The following SPIDR variants were observed in gnomAD, a reference collection of about 807,000 sequenced individuals.
SPIDR encodes scaffold protein involved in DNA repair.
Under a neutral mutation model 104.6 loss-of-function variants are expected in SPIDR, and 93 were observed. The ratio of observed to expected loss-of-function variants is 0.89; its 90% confidence interval spans 0.75 to 1.06. The LOEUF (loss-of-function observed/expected upper bound fraction) is 1.06, where lower values mean the gene tolerates loss of function less well. Among genes scored for constraint, SPIDR ranks in the 50% least tolerant of loss-of-function variants. SPIDR has a pLI of 0.00. For missense variants in SPIDR, 1,154 were observed against 1,111.2 expected (o/e 1.04, Z -0.55); for synonymous variants, 431 against 416.9 (o/e 1.03, Z -0.41).
chr8:47,414,982 C>A (rs555980940), intron 7 of SPIDR, among the ~76,000 whole-genome samples: 8 of 152,272 alleles, frequency 5.3e-5, no homozygotes, highest in Admixed American at 5.2e-4. Context: ...CAGCTCACTG[C>A]AAGCTCCGCC....
chr8:47,357,637 T>C (rs1307805221), intron 5 of SPIDR, among the ~76,000 whole-genome samples: 1 of 152,204 alleles, frequency 6.6e-6, no homozygotes, highest in Non-Finnish European at 1.5e-5. Context: ...CCATATAATT[T>C]TTGGTTCTTT....
intron 8 of SPIDR, among the ~76,000 whole-genome samples, chr8:47,493,645 A>G (rs1016683065): frequency 4.6e-5 from 7 of 152,292 alleles, no homozygotes; most frequent in Admixed American, 2.0e-4. Flanking sequence ...AGCAGCCTGG[A>G]GTGGTAGCAG....
chr8:47,335,007 G>A (rs1443589092), intron 5 of SPIDR, among the ~76,000 whole-genome samples: 2 of 151,990 alleles, frequency 1.3e-5, no homozygotes, highest in African/African-American at 4.8e-5. Flanking sequence ...CAGATAATGT[G>A]GAGTATAATA....
chr8:47,263,079 C>T (rs1233544646), intron 1 of SPIDR, among the ~76,000 whole-genome samples: 2 of 152,184 alleles, frequency 1.3e-5, no homozygotes, highest in African/African-American at 4.8e-5. Context: ...CCATTAGTCT[C>T]ATTTTATGGA....
chr8:47,348,589 C>T (rs782209889), intron 5 of SPIDR, among the ~76,000 whole-genome samples: 26 of 152,206 alleles, frequency 1.7e-4, no homozygotes, highest in Admixed American at 7.9e-4. Flanking sequence ...CTTTCAGGTA[C>T]ACCAATCAAA....
At chr8:47,485,961 A>T (rs2077546996) in intron 8 of SPIDR, among the ~76,000 whole-genome samples, 1 of 152,218 alleles carries the variant, frequency 6.6e-6, no homozygotes, top group Admixed American at 6.5e-5. Flanking sequence ...CTCTAAAGGA[A>T]TGCAGCTCCT....
At chr8:47,729,540 C>T (rs2084869173) in intron 19 of SPIDR, 75 bp downstream of exon 19, 1 of 1,507,112 alleles carries the variant, frequency 6.6e-7, no homozygotes, top group Admixed American at 2.0e-5. Flanking sequence ...CAGAGGAAGC[C>T]CCCACTCCCA....
chr8:47,296,304 A>T (rs1406162754), intron 5 of SPIDR, among the ~76,000 whole-genome samples: 1 of 152,070 alleles, frequency 6.6e-6, no homozygotes, highest in African/African-American at 2.4e-5. Flanking sequence ...TTTTGTTGTC[A>T]GTGCTTTTAG....
At chr8:47,307,234 T>G (rs1385125085) in intron 5 of SPIDR, among the ~76,000 whole-genome samples, 1 of 146,804 alleles carries the variant, frequency 6.8e-6, no homozygotes, top group African/African-American at 2.5e-5. Flanking sequence ...TCTTTCTTCT[T>G]TTTTTTTTTT....
intron 7 of SPIDR, among the ~76,000 whole-genome samples, chr8:47,418,808 G>A (rs961661513): frequency 4.6e-5 from 7 of 152,178 alleles, no homozygotes; most frequent in East Asian, 3.8e-4. Flanking sequence ...TACCTAATTT[G>A]TTGAGAGTTT....
chr8:47,457,193 T>C (rs1564023635), intron 8 of SPIDR, among the ~76,000 whole-genome samples: 2 of 152,210 alleles, frequency 1.3e-5, no homozygotes, highest in East Asian at 1.9e-4. Context: ...CTGTTTTCCA[T>C]AGTGGTTGTA....
intron 10 of SPIDR, among the ~76,000 whole-genome samples, chr8:47,636,283 G>A (rs2067905847): frequency 6.6e-6 from 1 of 152,046 alleles, no homozygotes; most frequent in Non-Finnish European, 1.5e-5. Flanking sequence ...AAATGTGTGT[G>A]TTCTGGCTCC....
At chr8:47,407,397 T>C (rs541910471) in intron 6 of SPIDR, among the ~76,000 whole-genome samples, 3 of 152,310 alleles carry the variant, frequency 2.0e-5, no homozygotes, top group African/African-American at 7.2e-5. Context: ...TGAGCCCACT[T>C]TACATTTCTT....
chr8:47,284,468 A>G (rs1486407250), intron 3 of SPIDR, among the ~76,000 whole-genome samples: 4 of 152,184 alleles, frequency 2.6e-5, no homozygotes, highest in African/African-American at 9.7e-5. Flanking sequence ...CATAAGAACT[A>G]TACTGCTTCA....
chr8:47,462,923 A>G (rs782776863), intron 8 of SPIDR, among the ~76,000 whole-genome samples: 1 of 152,228 alleles, frequency 6.6e-6, no homozygotes, highest in African/African-American at 2.4e-5. Flanking sequence ...TGAGAATCCT[A>G]TGAACAACTG....
At chr8:47,352,101 A>T (rs1184347278) in intron 5 of SPIDR, among the ~76,000 whole-genome samples, 1 of 151,484 alleles carries the variant, frequency 6.6e-6, no homozygotes, top group African/African-American at 2.4e-5. Context: ...ACTTGATGAA[A>T]CCCCGTCTCT....
intron 7 of SPIDR, among the ~76,000 whole-genome samples, chr8:47,410,386 G>C (rs1481172305): frequency 6.6e-6 from 1 of 151,798 alleles, no homozygotes; most frequent in Non-Finnish European, 1.5e-5. Flanking sequence ...TCGCCATGCT[G>C]GGCAAGCTGA....
intron 5 of SPIDR, among the ~76,000 whole-genome samples, chr8:47,326,418 A>C (rs2047679948): frequency 6.6e-6 from 1 of 152,216 alleles, no homozygotes; most frequent in Admixed American, 6.5e-5. Context: ...GTTTGTTACC[A>C]GGTCTCTCAG....
intron 8 of SPIDR, among the ~76,000 whole-genome samples, chr8:47,548,080 G>C (rs1438823250): frequency 6.6e-6 from 1 of 151,888 alleles, no homozygotes; most frequent in Non-Finnish European, 1.5e-5. Flanking sequence ...GAGACTTCCT[G>C]TTTGACTCAT....
Sources: gnomAD v4.1 joint callset for allele counts (sites outside exome capture counted in the v4.1 genomes callset) on GRCh38, gnomAD v4.1.1 for gene constraint, MANE v1.5 for transcripts, NCBI Gene and HGNC (gene_info 2026-07-23, HGNC 2026-07-21) for gene names.